TBC1D15: variants seen among roughly 807,000 people sequenced by gnomAD.
TBC1D15 encodes TBC1 domain family member 15, also known as GAP for RAB7.
TBC1D15 carries 39 observed loss-of-function variants against 95.4 expected under a neutral mutation model. The ratio of observed to expected loss-of-function variants is 0.41; its 90% CI spans 0.32 to 0.53. The LOEUF (loss-of-function observed/expected upper bound fraction) is 0.53, where lower values mean the gene tolerates loss of function less well. TBC1D15 is among the 20% of genes least tolerant of loss of function. TBC1D15 has a pLI of 0.29. For synonymous variants in TBC1D15, 258 were observed against 261.3 expected (o/e 0.99, Z 0.12); for missense variants, 733 against 794.3 (o/e 0.92, Z 0.93).
At chr12:71,911,868 A>C (rs577896664) in intron 11 of TBC1D15, among the ~76,000 whole-genome samples, 1 of 152,312 alleles carries the variant, frequency 6.6e-6, no homozygotes, top group South Asian at 2.1e-4. Flanking sequence ...AAGACTTAAC[A>C]GAAGAAATAT....
In TBC1D15 at chr12:71,897,952, CT is replaced by C; in HGVS notation, c.1183+13del. 1 of 1,600,544 alleles carries C rather than the reference CT, an allele frequency of 6.2e-7. No individual in the cohort carries two copies. The highest frequency in any genetic ancestry group is 8.6e-7 in the Non-Finnish European group (1 of 1,168,994). Reference sequence around the variant, plus strand: ...ATAGAAGTCTTATCGGTAATTTTTTCTTAACAACTTTGGAAATGCAAGGGGG... The same window carrying C: ...ATAGAAGTCTTATCGGTAATTTTTTCTAACAACTTTGGAAATGCAAGGGGG... On this transcript the variant is annotated intron_variant, in intron 10 of 16. Transcript: ENST00000485960.
At chr12:71,904,100 TA>T (rs1277636756) in intron 10 of TBC1D15, among the ~76,000 whole-genome samples, 1 of 151,730 alleles carries the variant, frequency 6.6e-6, no homozygotes, top group East Asian at 1.9e-4. Flanking sequence ...AATTTACAAG[TA>T]GGAAAAATTA....
intron 1 of TBC1D15, among the ~76,000 whole-genome samples, chr12:71,871,555 C>G (rs1278951574): frequency 6.6e-6 from 1 of 151,866 alleles, no homozygotes; most frequent in Non-Finnish European, 1.5e-5. Context: ...CAGTATTTTC[C>G]TTAATGCTCA....
rs558371354 is a variant in TBC1D15 at position 71,907,297 on chromosome 12, C to A, written c.1300+159C>A. 1.1e-5 allele frequency: 5 copies of A among 458,314 alleles called. No individual in the cohort carries two copies. In the South Asian group the frequency reaches 1.6e-4, roughly 15 times the overall value. The allele number at this position is 458,314 out of a possible 1,614,324, so 28.4% of individuals were successfully genotyped here. ...AAACTTACAAGGCTATGGTTCTCAA[C>A]CAAGGAGCCCTGGGTTGCTGCAGCA... is the stretch of plus-strand genomic sequence containing the variant. On this transcript the variant is annotated intron_variant, in intron 11 of 16. Transcript: ENST00000485960.
intron 5 of TBC1D15, among the ~76,000 whole-genome samples, chr12:71,885,883 G>A (rs1417489934): frequency 6.6e-6 from 1 of 152,140 alleles, no homozygotes; most frequent in Non-Finnish European, 1.5e-5. Flanking sequence ...CAAACATGAT[G>A]TAATCACACA....
At chr12:71,880,867 T>C (rs1325752025) in intron 4 of TBC1D15, among the ~76,000 whole-genome samples, 4 of 152,236 alleles carry the variant, frequency 2.6e-5, no homozygotes, top group African/African-American at 9.6e-5. Context: ...AAACATTCCT[T>C]TGGCTGTCCT....
chr12:71,871,247 T>C (rs1238941359), intron 1 of TBC1D15, among the ~76,000 whole-genome samples: 1 of 152,158 alleles, frequency 6.6e-6, no homozygotes, highest in Non-Finnish European at 1.5e-5. Context: ...TTCATGTACT[T>C]TTGGTCTTTT....
intron 1 of TBC1D15, among the ~76,000 whole-genome samples, chr12:71,840,826 A>G (rs1306451823): frequency 6.6e-6 from 1 of 152,208 alleles, no homozygotes; most frequent in African/African-American, 2.4e-5. Flanking sequence ...TGAATGACAA[A>G]TATGGGCTTG....
chr12:71,876,580 C>G (rs1001384404), intron 3 of TBC1D15, among the ~76,000 whole-genome samples: 6 of 152,254 alleles, frequency 3.9e-5, no homozygotes, highest in Non-Finnish European at 5.9e-5. Context: ...ATTTTAATCC[C>G]TCTGTTTTTT....
chr12:71,855,955 T>A (rs1249606692), intron 1 of TBC1D15, among the ~76,000 whole-genome samples: 1 of 151,726 alleles, frequency 6.6e-6, no homozygotes, highest in Non-Finnish European at 1.5e-5. Context: ...GGGGGGGGTA[T>A]CTTGTTCAAA....
intron 1 of TBC1D15, 114 bp downstream of exon 1, chr12:71,839,925 G>T (rs1884479797): frequency 7.4e-7 from 1 of 1,353,808 alleles, no homozygotes; most frequent in Non-Finnish European, 1.0e-6. Context: ...CGGACAACCC[G>T]TGGCGTCTGT....
At chr12:71,905,895 CAG>C (rs1900575829) in intron 10 of TBC1D15, among the ~76,000 whole-genome samples, 1 of 151,890 alleles carries the variant, frequency 6.6e-6, no homozygotes, top group East Asian at 1.9e-4. Context: ...ATTTTTGAGA[CAG>C]AGTCTCACTC....
chr12:71,911,154 A>G (rs918214220), intron 11 of TBC1D15, among the ~76,000 whole-genome samples: 2 of 152,120 alleles, frequency 1.3e-5, no homozygotes, highest in Admixed American at 1.3e-4. Flanking sequence ...GAGAAATAGG[A>G]ACACTTTTAC....
At chr12:71,855,667 CAAAAAAAA>C (rs1161851924) in intron 1 of TBC1D15, among the ~76,000 whole-genome samples, 13 of 41,356 alleles carry the variant, frequency 3.1e-4, no homozygotes, top group East Asian at 7.7e-4. Flanking sequence ...GACTCCATCT[CAAAAAAAA>C]AAAAAAAAAA....
intron 5 of TBC1D15, among the ~76,000 whole-genome samples, chr12:71,886,541 G>A (rs1319362268): frequency 2.0e-5 from 3 of 152,140 alleles, no homozygotes; most frequent in South Asian, 4.1e-4. Flanking sequence ...ATTACATAAG[G>A]CTTGCCTAAA....
intron 10 of TBC1D15, among the ~76,000 whole-genome samples, chr12:71,902,721 G>A (rs1899698010): frequency 6.6e-6 from 1 of 152,142 alleles, no homozygotes; most frequent in Non-Finnish European, 1.5e-5. Flanking sequence ...AACAGAAATT[G>A]ACAAGTGGGA....
intron 1 of TBC1D15, chr12:71,854,847 TC>T (rs1435179364): frequency 1.3e-5 from 6 of 456,568 alleles, no homozygotes; most frequent in Admixed American, 7.0e-5. Flanking sequence ...CCTTTCTTTT[TC>T]TCAAGGTATA....
At chr12:71,887,555 TTCTTG>T (rs773034874) in intron 5 of TBC1D15, among the ~76,000 whole-genome samples, 29 of 152,156 alleles carry the variant, frequency 1.9e-4, no homozygotes, top group Non-Finnish European at 3.4e-4. Flanking sequence ...CCTAAACTCT[TTCTTG>T]TCTTAAGGTC....
chr12:71,880,662 A>C, intron 4 of TBC1D15, 55 bp downstream of exon 4: 6 of 1,502,998 alleles, frequency 4.0e-6, no homozygotes, highest in Non-Finnish European at 5.3e-6. Flanking sequence ...ATACTAATAA[A>C]CAAAAATGCA....
Sources: allele counts gnomAD v4.1 joint callset (sites outside exome capture counted in the v4.1 genomes callset), GRCh38; gene constraint gnomAD v4.1.1; transcripts MANE v1.5; gene names NCBI Gene and HGNC (gene_info 2026-07-23, HGNC 2026-07-21).